SND1: variants seen among roughly 807,000 people sequenced by gnomAD.
SND1 encodes staphylococcal nuclease and tudor domain containing 1.
Under a neutral mutation model 121.7 loss-of-function variants are expected in SND1, and 38 were observed. The ratio of observed to expected loss-of-function variants is 0.31; its 90% CI spans 0.24 to 0.41. SND1 has a LOEUF of 0.41. Among genes scored for constraint, SND1 ranks in the 10% least tolerant of loss-of-function variants. The pLI is 1.00. For missense variants in SND1, 868 were observed against 1,184.6 expected, an observed-to-expected ratio of 0.73 and a Z score of 3.92; for synonymous variants, 401 against 447.4, an observed-to-expected ratio of 0.90 and a Z score of 1.31.
intron 15 of SND1, among the ~76,000 whole-genome samples, chr7:127,984,714 G>A (rs1802345466): frequency 6.6e-6 from 1 of 152,208 alleles, no homozygotes; most frequent in Admixed American, 6.5e-5. Flanking sequence ...GTTTTAGTTT[G>A]GTTGAAAGTA....
chr7:128,002,975 C>T (rs972936756), intron 16 of SND1, among the ~76,000 whole-genome samples: 2 of 152,234 alleles, frequency 1.3e-5, no homozygotes, highest in African/African-American at 4.8e-5. Flanking sequence ...GTAATTCCAA[C>T]ACTTTGGAGG....
At chr7:127,841,707 A>G (rs1798969312) in intron 11 of SND1, among the ~76,000 whole-genome samples, 1 of 151,974 alleles carries the variant, frequency 6.6e-6, no homozygotes, top group African/African-American at 2.4e-5. Context: ...GGCCTATATT[A>G]ACTCTGGCCA....
intron 16 of SND1, among the ~76,000 whole-genome samples, chr7:128,044,255 C>T (rs188312527): frequency 4.8e-4 from 73 of 152,330 alleles, no homozygotes; most frequent in African/African-American, 1.7e-3. Flanking sequence ...ATCACTTCTC[C>T]ACTCGGTGTG....
intron 17 of SND1, among the ~76,000 whole-genome samples, chr7:128,080,595 T>C (rs1291316672): frequency 6.6e-6 from 1 of 152,144 alleles, no homozygotes. Flanking sequence ...CAGAGTGCCC[T>C]GCAGAGTGCC....
At chr7:127,740,491 C>T (rs1393045931) in intron 10 of SND1, among the ~76,000 whole-genome samples, 1 of 152,152 alleles carries the variant, frequency 6.6e-6, no homozygotes. Flanking sequence ...AGCAGCAGAA[C>T]CGATTATTGC....
At chr7:127,945,503 A>AT (rs1254674611) in intron 15 of SND1, among the ~76,000 whole-genome samples, 2 of 151,242 alleles carry the variant, frequency 1.3e-5, no homozygotes, top group African/African-American at 2.4e-5. Flanking sequence ...AAAAAAAAAA[A>AT]TTTTTTTTTA....
intron 15 of SND1, among the ~76,000 whole-genome samples, chr7:127,973,099 G>A (rs1802037244): frequency 6.6e-6 from 1 of 152,220 alleles, no homozygotes; most frequent in Admixed American, 6.5e-5. Flanking sequence ...GAGTGGGAAT[G>A]AAGAGGAAGG....
At chr7:127,903,223 C>A (rs1800271414) in intron 13 of SND1, among the ~76,000 whole-genome samples, 1 of 151,960 alleles carries the variant, frequency 6.6e-6, no homozygotes, top group African/African-American at 2.4e-5. Context: ...CAGGGTTTCG[C>A]ATATTGGCCA....
At chr7:128,074,407 G>A (rs997909815) in intron 16 of SND1, 95 bp from the exon 17 acceptor site, 5 of 1,320,736 alleles carry the variant, frequency 3.8e-6, no homozygotes, top group South Asian at 1.5e-5. Flanking sequence ...AGGCCTGTGA[G>A]CCCAAGGCTT....
At chr7:127,668,532 C>G (rs1239333659) in intron 1 of SND1, among the ~76,000 whole-genome samples, 1 of 152,064 alleles carries the variant, frequency 6.6e-6, no homozygotes, top group Non-Finnish European at 1.5e-5. Context: ...CAGAACAAGA[C>G]CAGGAAAAAA....
chr7:127,679,746 T>C (rs1233717389), intron 1 of SND1, among the ~76,000 whole-genome samples: 1 of 152,254 alleles, frequency 6.6e-6, no homozygotes, highest in Non-Finnish European at 1.5e-5. Context: ...TCACCCATGT[T>C]GTAACATCAA....
intron 10 of SND1, among the ~76,000 whole-genome samples, chr7:127,772,446 CA>C (rs1018151073): frequency 8.5e-5 from 13 of 152,268 alleles, no homozygotes; most frequent in African/African-American, 2.4e-4. Context: ...ACCCCAAAAA[CA>C]GAAGTAATGT....
At chr7:127,801,815 A>G (rs553871763) in intron 10 of SND1, among the ~76,000 whole-genome samples, 1 of 152,298 alleles carries the variant, frequency 6.6e-6, no homozygotes, top group South Asian at 2.1e-4. Context: ...TAGGATTGCC[A>G]GCCTCCGCGT....
chr7:127,820,621 G>A (rs951478259), intron 11 of SND1, among the ~76,000 whole-genome samples: 5 of 152,016 alleles, frequency 3.3e-5, no homozygotes, highest in South Asian at 2.1e-4. Context: ...TCTTTTTTAC[G>A]TCACAGACAC....
intron 14 of SND1, among the ~76,000 whole-genome samples, chr7:127,905,355 C>T (rs540975956): frequency 4.5e-4 from 68 of 152,198 alleles, no homozygotes; most frequent in Non-Finnish European, 9.6e-4. Flanking sequence ...TTTTAGAGCT[C>T]CCAATAGGCT....
intron 1 of SND1, among the ~76,000 whole-genome samples, chr7:127,682,528 A>G (rs1450079728): frequency 6.6e-6 from 1 of 152,206 alleles, no homozygotes; most frequent in African/African-American, 2.4e-5. Flanking sequence ...TAATTGCATA[A>G]AGCAGTAACC....
chr7:127,772,719 A>G (rs1308459458), intron 10 of SND1, among the ~76,000 whole-genome samples: 1 of 152,158 alleles, frequency 6.6e-6, no homozygotes, highest in East Asian at 1.9e-4. Context: ...TTTAATTACC[A>G]AGGAGTATTC....
intron 11 of SND1, among the ~76,000 whole-genome samples, chr7:127,836,627 A>G (rs1179122849): frequency 6.6e-6 from 1 of 152,210 alleles, no homozygotes; most frequent in East Asian, 1.9e-4. Flanking sequence ...ATAAAAATAT[A>G]TAAAAATAAG....
chr7:127,795,308 A>G (rs1244525271), intron 10 of SND1, among the ~76,000 whole-genome samples: 1 of 152,080 alleles, frequency 6.6e-6, no homozygotes, highest in Non-Finnish European at 1.5e-5. Flanking sequence ...ATGATCTTTC[A>G]CTACCCTTTC....
Sources: gnomAD v4.1 joint callset for allele counts (sites outside exome capture counted in the v4.1 genomes callset) on GRCh38, gnomAD v4.1.1 for gene constraint, MANE v1.5 for transcripts, NCBI Gene and HGNC (gene_info 2026-07-23, HGNC 2026-07-21) for gene names.